Variants in CADM2 observed in about 807,000 individuals in gnomAD.
CADM2 encodes the protein immunoglobulin superfamily member 4D.
CADM2 carries 12 observed loss-of-function variants against 49.8 expected under a neutral mutation model. That is an observed-to-expected ratio of 0.24 (90% confidence interval 0.15 to 0.39). CADM2 has a LOEUF of 0.39. CADM2 is among the 10% of genes least tolerant of loss of function. The pLI is 1.00. For synonymous variants in CADM2, 214 were observed against 175.4 expected (o/e 1.22, Z -1.74); for missense variants, 378 against 492.3 (o/e 0.77, Z 2.20).
chr3:85,418,818 G>C (rs2036028084), intron 1 of CADM2, among the ~76,000 whole-genome samples: 1 of 152,102 alleles, frequency 6.6e-6, no homozygotes, highest in African/African-American at 2.4e-5. Context: ...ACACAAAGCA[G>C]TTTCTTTTCT....
chr3:85,989,988 G>A (rs1222672642), intron 8 of CADM2, among the ~76,000 whole-genome samples: 3 of 101,950 alleles, frequency 2.9e-5, no homozygotes, highest in Non-Finnish European at 5.8e-5. Context: ...CTCCAGCCTG[G>A]GCGACAAGAG....
intron 3 of CADM2, among the ~76,000 whole-genome samples, chr3:85,816,024 T>C (rs1182709735): frequency 6.6e-6 from 1 of 152,150 alleles, no homozygotes; most frequent in Non-Finnish European, 1.5e-5. Flanking sequence ...ACAGGCAAAT[T>C]CAATTCTATT....
chr3:85,094,514 G>T (rs1038871246), intron 1 of CADM2, among the ~76,000 whole-genome samples: 10 of 152,086 alleles, frequency 6.6e-5, no homozygotes, highest in Non-Finnish European at 1.2e-4. Context: ...TATTGCAGGG[G>T]AAATGTAAAA....
chr3:85,155,392 A>G (rs1291482672), intron 1 of CADM2, among the ~76,000 whole-genome samples: 2 of 152,034 alleles, frequency 1.3e-5, no homozygotes, highest in Admixed American at 6.6e-5. Context: ...AGAGCTAACT[A>G]TCCTAACTAT....
At chr3:85,611,125 G>T (rs1447588388) in intron 1 of CADM2, among the ~76,000 whole-genome samples, 1 of 151,852 alleles carries the variant, frequency 6.6e-6, no homozygotes, top group Non-Finnish European at 1.5e-5. Flanking sequence ...GATAATATCA[G>T]GGATTAAGAA....
chr3:85,690,252 A>G (rs1020842985), intron 1 of CADM2, among the ~76,000 whole-genome samples: 6 of 152,152 alleles, frequency 3.9e-5, no homozygotes, highest in Non-Finnish European at 7.3e-5. Context: ...GAGTCAGTGT[A>G]TGTAAGGAAA....
At chr3:85,453,912 A>C (rs1559848136) in intron 1 of CADM2, among the ~76,000 whole-genome samples, 1 of 152,210 alleles carries the variant, frequency 6.6e-6, no homozygotes, top group African/African-American at 2.4e-5. Context: ...GTACAGTCAT[A>C]AAAATTAAAA....
chr3:85,088,557 A>G (rs2037471848), intron 1 of CADM2, among the ~76,000 whole-genome samples: 1 of 152,116 alleles, frequency 6.6e-6, no homozygotes, highest in Non-Finnish European at 1.5e-5. Context: ...AGAGCAGAAT[A>G]ACTGGTTCTA....
chr3:85,295,728 T>G (rs556187889), intron 1 of CADM2, among the ~76,000 whole-genome samples: 27 of 151,726 alleles, frequency 1.8e-4, no homozygotes, highest in African/African-American at 3.9e-4. Flanking sequence ...ATTGAACAAT[T>G]AGATCACATG....
At chr3:85,808,321 A>C (rs1392474693) in intron 3 of CADM2, among the ~76,000 whole-genome samples, 1 of 152,204 alleles carries the variant, frequency 6.6e-6, no homozygotes, top group South Asian at 2.1e-4. Flanking sequence ...TTTTACATAA[A>C]TCTTAGCACC....
intron 8 of CADM2, among the ~76,000 whole-genome samples, chr3:86,040,698 C>A (rs1420865158): frequency 2.6e-5 from 4 of 152,158 alleles, no homozygotes; most frequent in Non-Finnish European, 4.4e-5. Context: ...TCTAGCAAGA[C>A]AGGCCAACAT....
chr3:85,285,212 A>G (rs1045818284), intron 1 of CADM2, among the ~76,000 whole-genome samples: 2 of 152,092 alleles, frequency 1.3e-5, no homozygotes, highest in African/African-American at 4.8e-5. Context: ...CCAAATGGAA[A>G]TATTGGATAT....
intron 1 of CADM2, among the ~76,000 whole-genome samples, chr3:85,700,247 A>G (rs1361377062): frequency 1.3e-5 from 2 of 152,132 alleles, no homozygotes; most frequent in African/African-American, 2.4e-5. Flanking sequence ...AAAAAACCAA[A>G]CACTGCATGT....
At chr3:85,535,396 A>T (rs2061402653) in intron 1 of CADM2, among the ~76,000 whole-genome samples, 1 of 152,172 alleles carries the variant, frequency 6.6e-6, no homozygotes, top group Non-Finnish European at 1.5e-5. Flanking sequence ...CAGACTCTTA[A>T]TAATAAAATT....
At chr3:85,405,431 A>G (rs2035323063) in intron 1 of CADM2, among the ~76,000 whole-genome samples, 1 of 152,160 alleles carries the variant, frequency 6.6e-6, no homozygotes, top group Non-Finnish European at 1.5e-5. Context: ...GGAAGTAACC[A>G]TTCATGGCGC....
chr3:85,503,795 T>C (rs1049439141), intron 1 of CADM2, among the ~76,000 whole-genome samples: 1 of 152,218 alleles, frequency 6.6e-6, no homozygotes, highest in African/African-American at 2.4e-5. Flanking sequence ...TTTGAAATAT[T>C]ATGTACCTAA....
intron 1 of CADM2, among the ~76,000 whole-genome samples, chr3:85,389,776 A>G (rs1488790549): frequency 1.3e-5 from 2 of 152,124 alleles, no homozygotes; most frequent in African/African-American, 4.8e-5. Flanking sequence ...TGGAAAAACA[A>G]TGGATTGCCT....
Position 85,000,045 on chromosome 3 carries a change from G to A in CADM2, c.61+40377G>A, listed in dbSNP as rs150265155. ...TGTTTACGATATTTACCGTGATTGG[G>A]ACCTTACAAATTTCACAGGCATATT... On this transcript the variant is annotated intron_variant, in intron 1 of 9. Transcript: ENST00000383699. Among the ~76,000 whole-genome samples the A allele has an allele frequency of 3.8e-3, 578 of 151,922 alleles. 3 individuals are homozygous for A. The highest frequency in any genetic ancestry group is 0.013 in the African/African-American group (553 of 41,440).
Position 85,898,937 on chromosome 3 carries a change from G to GTA in CADM2, c.529+12628_529+12629dup, listed in dbSNP as rs1553704342. Reference sequence around the variant, plus strand: ...TCATAAAATCCAATTCATTTATTGTGTATATATATATATATATATTTTTTT... The same window carrying GTA: ...TCATAAAATCCAATTCATTTATTGTGTATATATATATATATATATATTTTTTT... On this transcript the variant is annotated intron_variant, in intron 5 of 9. Coordinates refer to ENST00000383699, the MANE Select transcript of CADM2 (RefSeq NM_001167675.2). Among the ~76,000 whole-genome samples the GTA allele has an allele frequency of 7.9e-3, 370 of 46,698 alleles. 25 individuals are homozygous for GTA. Among genetic ancestry groups the GTA allele is most frequent in the Middle Eastern group, 0.029 (2 of 68 alleles). The allele number at this position is 46,698 out of a possible 152,430, so 30.6% of individuals were successfully genotyped here.
Sources: allele counts gnomAD v4.1 joint callset (sites outside exome capture counted in the v4.1 genomes callset), GRCh38; gene constraint gnomAD v4.1.1; transcripts MANE v1.5; gene names NCBI Gene and HGNC (gene_info 2026-07-23, HGNC 2026-07-21).